The following IL6ST variants were observed in gnomAD, a reference collection of about 807,000 sequenced individuals.
IL6ST encodes the protein interleukin 6 cytokine family signal transducer, also known as interleukin-6 receptor subunit beta.
A neutral mutation model predicts 91.3 loss-of-function variants in IL6ST; 24 were observed. The observed-to-expected ratio is 0.26, with a 90% CI of 0.19 to 0.37. The LOEUF (loss-of-function observed/expected upper bound fraction) is 0.37. Among genes scored for constraint, IL6ST ranks in the 10% least tolerant of loss-of-function variants. The pLI is 1.00. For missense variants in IL6ST, 914 were observed against 1,078.5 expected, an observed-to-expected ratio of 0.85 and a Z score of 2.14; for synonymous variants, 351 against 373.6, an observed-to-expected ratio of 0.94 and a Z score of 0.70.
chr5:55,968,312 G>A lies in IL6ST; in HGVS notation c.455C>T (p.Thr152Ile), dbSNP rs1752756148. 6.3e-7 allele frequency: 1 copy of A among 1,598,504 alleles called. No homozygotes were observed. Among genetic ancestry groups the A allele is most frequent in the Non-Finnish European group, 8.5e-7 (1 of 1,174,938 alleles). ...MRCEWDGGRE[T>I]HLETNFTLKS... ...TAAAGTGAAGTTTGTCTCCAAGTGT[G>A]TTTCCCTTCCACCATCCCACTCACA... Residue 152 changes from threonine (T) to isoleucine (I), a missense_variant, in exon 5 of 17, where the codon ACA becomes ATA. Transcript: ENST00000381298.
chr5:55,985,933 T>C (rs1290687611), intron 1 of IL6ST, among the ~76,000 whole-genome samples: 1 of 152,218 alleles, frequency 6.6e-6, no homozygotes, highest in Admixed American at 6.5e-5. Flanking sequence ...GGTGGCTGTG[T>C]TCTAACAGTA....
At chr5:55,949,476 AAAAC>A (rs150625739) in intron 14 of IL6ST, among the ~76,000 whole-genome samples, 7,767 of 152,136 alleles carry the variant, frequency 0.051, 690 homozygotes, top group African/African-American at 0.18. Context: ...CTCTGTCTCA[AAAAC>A]AAACAAACAA....
chr5:55,946,104 C>T (rs1222025267), intron 15 of IL6ST, among the ~76,000 whole-genome samples: 2 of 152,084 alleles, frequency 1.3e-5, no homozygotes, highest in African/African-American at 4.8e-5. Context: ...TTTCAATAGA[C>T]ACATCACAAA....
intron 5 of IL6ST, among the ~76,000 whole-genome samples, chr5:55,964,753 T>C (rs1411761517): frequency 6.6e-6 from 1 of 152,168 alleles, no homozygotes; most frequent in Non-Finnish European, 1.5e-5. Context: ...TAAAATCTCT[T>C]AGCCTCTTTC....
intron 2 of IL6ST, among the ~76,000 whole-genome samples, chr5:55,980,983 G>C (rs574200604): frequency 2.0e-5 from 3 of 152,186 alleles, no homozygotes; most frequent in Non-Finnish European, 4.4e-5. Context: ...TCCTTCTTTG[G>C]CCACCCAAAG....
chr5:55,953,479 T>A (rs910809873), intron 11 of IL6ST, among the ~76,000 whole-genome samples: 3 of 152,180 alleles, frequency 2.0e-5, no homozygotes, highest in Non-Finnish European at 2.9e-5. Flanking sequence ...AACCTCCGCC[T>A]CCCGGGTTCA....
At chr5:55,966,125 T>C (rs144756388) in intron 5 of IL6ST, among the ~76,000 whole-genome samples, 5 of 152,188 alleles carry the variant, frequency 3.3e-5, no homozygotes, top group African/African-American at 1.2e-4. Context: ...CAGAATACCA[T>C]AGTTTTGTAA....
chr5:55,950,255 G>A, intron 14 of IL6ST: 1 of 461,606 alleles, frequency 2.2e-6, no homozygotes, highest in Admixed American at 2.3e-5. Flanking sequence ...AGGGTCAAGA[G>A]GCCGGGTGCG....
At position 55,941,059 on chromosome 5, in the gene IL6ST, T is replaced by C. The variant is rs1218293509; in HGVS notation, c.*23A>G. ...CTTTACTTTATAGGTACTGCTGAAG[T>C]TGTAGCAGGAACTACTAGTCCTTCA... is the stretch of plus-strand genomic sequence containing the variant. On this transcript the variant is annotated 3_prime_UTR_variant, in exon 17 of 17. Transcript: ENST00000381298. 6.4e-7 allele frequency: 1 copy of C among 1,573,960 alleles called. No homozygotes were observed. The highest frequency in any genetic ancestry group is 1.4e-5 in the African/African-American group (1 of 73,368).
At position 55,969,809 on chromosome 5, in the gene IL6ST, A is replaced by G; in HGVS notation, c.111T>C (p.Val37=). 6.2e-7 allele frequency: 1 copy of G among 1,611,384 alleles called. No homozygotes were observed. Among genetic ancestry groups the G allele is most frequent in the African/African-American group, 1.3e-5 (1 of 75,020 alleles). ...PCGYISPESP[V]VQLHSNFTAV... is the part of the protein sequence containing the mutation. ...CAGTGAAATTAGAATGAAGTTGTAC[A>G]ACTGGAGATTCAGGACTGATATAAC... is the stretch of plus-strand genomic sequence containing the variant. The change falls in exon 4 of 17, where the codon GTT becomes GTC. Residue 37 remains valine, a synonymous_variant. Transcript: ENST00000381298.
In IL6ST at chr5:55,964,385, CAA is replaced by C. The variant is rs1312992722; in HGVS notation, c.492-75_492-74del. The C allele has an allele frequency of 5.4e-6, 6 of 1,102,680 alleles. No homozygotes were observed. The Admixed American group carries it at 6.7e-5, about 12-fold the overall frequency. 68.3% of individuals were successfully genotyped at this position (1,102,680 alleles called of 1,614,324 possible). ...AAATTAGAGTGAAAAAAATTACTTG[CAA>C]AGAGTTTGATGAGACCTAGATTGTT... On this transcript the variant is annotated intron_variant, in intron 5 of 16. Coordinates refer to ENST00000381298, the MANE Select transcript of IL6ST (RefSeq NM_002184.4).
intron 2 of IL6ST, among the ~76,000 whole-genome samples, chr5:55,981,291 A>G (rs1753654210): frequency 6.6e-6 from 1 of 152,228 alleles, no homozygotes. Context: ...AAGACACAGT[A>G]ACACTATATA....
intron 4 of IL6ST, 24 bp downstream of exon 4, chr5:55,969,526 A>T: frequency 6.5e-7 from 1 of 1,540,398 alleles, no homozygotes; most frequent in Non-Finnish European, 8.9e-7. Flanking sequence ...ACAAAGTCTG[A>T]AATAAGACAA....
intron 1 of IL6ST, among the ~76,000 whole-genome samples, chr5:55,992,501 CATA>C (rs1300119888): frequency 1.3e-5 from 2 of 152,174 alleles, no homozygotes; most frequent in Non-Finnish European, 2.9e-5. Context: ...AGACCTACTT[CATA>C]ATATTATGAA....
Position 55,952,263 on chromosome 5 carries a change from G to T in IL6ST, c.1539C>A (p.Tyr513Ter). ...GTTTGGACTTACGAGCTTGTTTAAG[G>T]TATGCCTTTATGGATTCAGGGCTTC... is the stretch of plus-strand genomic sequence containing the variant. ...GPGSPESIKA[Y>*]LKQAPPSKGP... The change falls in exon 12 of 17, where the codon TAC (tyrosine) becomes TAA (stop). Residue 513 changes from tyrosine to a stop codon, truncating the protein, a stop_gained. Coordinates refer to ENST00000381298, the MANE Select transcript of IL6ST (RefSeq NM_002184.4). LOFTEE classifies it high-confidence loss of function. 6.2e-7 allele frequency: 1 copy of T among 1,608,064 alleles called. No homozygotes were observed. The highest frequency in any genetic ancestry group is 8.5e-7 in the Non-Finnish European group (1 of 1,175,354).
chr5:55,951,859 G>T, intron 13 of IL6ST, 70 bp downstream of exon 13: 2 of 988,886 alleles, frequency 2.0e-6, no homozygotes, highest in Non-Finnish European at 3.0e-6. Flanking sequence ...AAGAAGAACA[G>T]ACTTAAATTA....
intron 7 of IL6ST, among the ~76,000 whole-genome samples, chr5:55,963,092 A>G: frequency 7.0e-6 from 1 of 143,688 alleles, no homozygotes; most frequent in Admixed American, 7.0e-5. Context: ...TCTCTAGAAG[A>G]AAAAAAAAAA....
chr5:55,986,914 C>T (rs1168085152), intron 1 of IL6ST, among the ~76,000 whole-genome samples: 1 of 152,194 alleles, frequency 6.6e-6, no homozygotes, highest in African/African-American at 2.4e-5. Context: ...CCTGAAATCC[C>T]ATCACTCTGG....
chr5:55,971,728 G>A (rs1234188998), intron 3 of IL6ST, among the ~76,000 whole-genome samples: 2 of 152,100 alleles, frequency 1.3e-5, no homozygotes, highest in Non-Finnish European at 1.5e-5. Context: ...GGTGAGGGTC[G>A]TGTGCTGAGG....
Sources: allele counts gnomAD v4.1 joint callset (sites outside exome capture counted in the v4.1 genomes callset), GRCh38; gene constraint gnomAD v4.1.1; transcripts MANE v1.5; gene names NCBI Gene and HGNC (gene_info 2026-07-23, HGNC 2026-07-21).